Variants in FRMD5 observed in about 807,000 individuals in gnomAD.
The protein encoded by FRMD5 is FERM domain containing 5.
Under a neutral mutation model 69.0 loss-of-function variants are expected in FRMD5, and 20 were observed. The observed-to-expected ratio is 0.29, with a 90% CI of 0.20 to 0.42. FRMD5 has a LOEUF of 0.42. Among genes scored for constraint, FRMD5 ranks in the 10% least tolerant of loss-of-function variants. FRMD5 has a pLI of 1.00. For missense variants in FRMD5, 595 were observed against 708.6 expected, an observed-to-expected ratio of 0.84 and a Z score of 1.82; for synonymous variants, 271 against 260.1, an observed-to-expected ratio of 1.04 and a Z score of -0.40.
chr15:44,121,150 T>C (rs2076943945), intron 1 of FRMD5, among the ~76,000 whole-genome samples: 1 of 41,110 alleles, frequency 2.4e-5, no homozygotes, highest in African/African-American at 3.5e-5. Flanking sequence ...GAGTAGTAAT[T>C]ATGTTGATTT....
chr15:43,954,117 T>C (rs192735233), intron 1 of FRMD5, among the ~76,000 whole-genome samples: 32 of 152,338 alleles, frequency 2.1e-4, no homozygotes, highest in African/African-American at 7.7e-4. Flanking sequence ...GCCCTGTCGA[T>C]GCCCAGATTC....
chr15:43,893,130 A>AAC (rs1555468105), intron 7 of FRMD5, among the ~76,000 whole-genome samples: 7 of 148,572 alleles, frequency 4.7e-5, no homozygotes, highest in South Asian at 4.2e-4. Flanking sequence ...CGAAAAAACA[A>AAC]AAAAAAAAAA....
chr15:44,146,957 T>C (rs1477829664), intron 1 of FRMD5, among the ~76,000 whole-genome samples: 4 of 152,154 alleles, frequency 2.6e-5, no homozygotes, highest in Non-Finnish European at 4.4e-5. Flanking sequence ...CTCTGATGGA[T>C]AGTTTCTTTT....
intron 1 of FRMD5, among the ~76,000 whole-genome samples, chr15:44,004,041 T>G (rs1434400393): frequency 6.6e-6 from 1 of 152,228 alleles, no homozygotes; most frequent in East Asian, 1.9e-4. Flanking sequence ...ACCCCCTATT[T>G]TGGCAGCATG....
intron 1 of FRMD5, among the ~76,000 whole-genome samples, chr15:44,027,102 G>A (rs1204958126): frequency 6.6e-6 from 1 of 152,138 alleles, no homozygotes; most frequent in Non-Finnish European, 1.5e-5. Context: ...ACAAACTGTG[G>A]ACAATGACCC....
chr15:43,989,621 TAGTC>T (rs1394014453), intron 1 of FRMD5: 13 of 862,452 alleles, frequency 1.5e-5, no homozygotes, highest in Non-Finnish European at 2.2e-5. Context: ...CTTCATGAGG[TAGTC>T]AGTCAGGTCC....
intron 5 of FRMD5, among the ~76,000 whole-genome samples, chr15:43,906,386 G>A (rs1275671979): frequency 6.6e-6 from 1 of 152,202 alleles, no homozygotes; most frequent in Non-Finnish European, 1.5e-5. Context: ...CTAAATCCTA[G>A]TTTGAGGATG....
chr15:43,875,363 AATATAT>A lies in FRMD5; in HGVS notation c.1136-907_1136-902del, dbSNP rs749584177. ...AAGACTGTCTCAAAAAAAAAAAAAAAATATATATATATATATATATATATATATATG... is the reference window on the plus strand; with the variant it reads ...AAGACTGTCTCAAAAAAAAAAAAAAAATATATATATATATATATATATATG... On this transcript the variant is annotated intron_variant, in intron 13 of 13. Coordinates refer to ENST00000417257, the MANE Select transcript of FRMD5 (RefSeq NM_032892.5). 2.0e-3 allele frequency among the ~76,000 whole-genome samples: 215 copies of A among 105,274 alleles called. 5 individuals carry two copies. Among genetic ancestry groups the A allele is most frequent in the Middle Eastern group, 0.01 (2 of 196 alleles). 69.1% of individuals were successfully genotyped at this position (105,274 alleles called of 152,430 possible).
At chr15:43,882,953 C>G (rs1054852377) in intron 13 of FRMD5, among the ~76,000 whole-genome samples, 1 of 151,376 alleles carries the variant, frequency 6.6e-6, no homozygotes, top group Non-Finnish European at 1.5e-5. Context: ...TTACAGGCTC[C>G]CACGACCATG....
chr15:43,952,670 C>G (rs2090054898), intron 1 of FRMD5, among the ~76,000 whole-genome samples: 1 of 152,220 alleles, frequency 6.6e-6, no homozygotes. Flanking sequence ...GAGCCTGCAG[C>G]TTCTGAGCTG....
chr15:44,191,930 A>ATC (rs2078203178), intron 1 of FRMD5, among the ~76,000 whole-genome samples: 12 of 77,258 alleles, frequency 1.6e-4, no homozygotes, highest in African/African-American at 5.9e-4. Context: ...TATTATATAT[A>ATC]TATATATATA....
At chr15:44,119,729 CTTT>C (rs3040926) in intron 1 of FRMD5, among the ~76,000 whole-genome samples, 120,534 of 146,042 alleles carry the variant, frequency 0.83, 51,448 homozygotes, top group Non-Finnish European at 0.93. Context: ...CTGTCTACTT[CTTT>C]TTTTTTTTTT....
chr15:43,977,523 G>T (rs533627592), intron 1 of FRMD5, among the ~76,000 whole-genome samples: 2 of 152,070 alleles, frequency 1.3e-5, no homozygotes, highest in Non-Finnish European at 2.9e-5. Flanking sequence ...GATGTGTTCC[G>T]TTATGGTGGT....
At chr15:44,081,063 G>A (rs761175826) in intron 1 of FRMD5, among the ~76,000 whole-genome samples, 1 of 152,018 alleles carries the variant, frequency 6.6e-6, no homozygotes, top group Non-Finnish European at 1.5e-5. Context: ...TCATGGCATA[G>A]AGATTCACAG....
chr15:43,892,800 T>C (rs2088823466), intron 7 of FRMD5, among the ~76,000 whole-genome samples: 1 of 152,222 alleles, frequency 6.6e-6, no homozygotes, highest in East Asian at 1.9e-4. Flanking sequence ...CACTGAATTG[T>C]ACACTTTAAA....
intron 1 of FRMD5, among the ~76,000 whole-genome samples, chr15:43,979,316 T>C (rs1367541000): frequency 2.1e-5 from 3 of 146,328 alleles, no homozygotes; most frequent in East Asian, 4.0e-4. Flanking sequence ...GCCTGGGCTA[T>C]AAGAGTGAAA....
chr15:44,192,584 T>A (rs2078214515), intron 1 of FRMD5, among the ~76,000 whole-genome samples: 1 of 152,114 alleles, frequency 6.6e-6, no homozygotes, highest in African/African-American at 2.4e-5. Flanking sequence ...AATAAGCACA[T>A]GCACATATAC....
intron 1 of FRMD5, among the ~76,000 whole-genome samples, chr15:44,001,517 T>C (rs757035004): frequency 6.6e-6 from 1 of 152,088 alleles, no homozygotes; most frequent in African/African-American, 2.4e-5. Flanking sequence ...TATTTTCTTC[T>C]AGGATTTTTA....
At chr15:43,896,416 A>G (rs2088912565) in intron 7 of FRMD5, among the ~76,000 whole-genome samples, 1 of 152,202 alleles carries the variant, frequency 6.6e-6, no homozygotes, top group African/African-American at 2.4e-5. Context: ...GATAGACCAA[A>G]TATCTTACTG....
Sources: gnomAD v4.1 joint callset for allele counts (sites outside exome capture counted in the v4.1 genomes callset) on GRCh38, gnomAD v4.1.1 for gene constraint, MANE v1.5 for transcripts, NCBI Gene and HGNC (gene_info 2026-07-23, HGNC 2026-07-21) for gene names.